Variants in HMGCLL1 observed in about 807,000 individuals in gnomAD.
The protein encoded by HMGCLL1 is 3-hydroxymethyl-3-methylglutaryl-CoA lyase, cytoplasmic.
HMGCLL1 carries 36 observed loss-of-function variants against 39.1 expected under a neutral mutation model. The ratio of observed to expected loss-of-function variants is 0.92; its 90% CI spans 0.71 to 1.22. The LOEUF (loss-of-function observed/expected upper bound fraction) is 1.22. Among genes scored for constraint, HMGCLL1 ranks in the 50% most tolerant of loss-of-function variants. The probability of loss-of-function intolerance (pLI) is 0.00; values close to 1 mark genes in which losing one functional copy is unlikely to be tolerated. For missense variants in HMGCLL1, 451 were observed against 416.5 expected, an observed-to-expected ratio of 1.08 and a Z score of -0.72; for synonymous variants, 149 against 144.0, an observed-to-expected ratio of 1.03 and a Z score of -0.25.
At chr6:55,610,274 C>A in the HMGCLL1 span, among the ~76,000 whole-genome samples, 1 of 151,910 alleles carries the variant, frequency 6.6e-6, no homozygotes. Flanking sequence ...TGCAAAGGAT[C>A]TAAGTACCAC....
intron 7 of HMGCLL1, among the ~76,000 whole-genome samples, chr6:55,475,270 G>T (rs1219725240): frequency 6.6e-6 from 1 of 151,506 alleles, no homozygotes; most frequent in Non-Finnish European, 1.5e-5. Context: ...CCTTGCCAGG[G>T]TCACAGAAAA....
At chr6:55,641,910 A>G in the HMGCLL1 span, among the ~76,000 whole-genome samples, 79 of 122,488 alleles carry the variant, frequency 6.4e-4, no homozygotes, top group African/African-American at 2.2e-3. Flanking sequence ...TTATTTATTT[A>G]TTTATTTTTT....
At chr6:55,458,170 A>C (rs936025587) in intron 7 of HMGCLL1, among the ~76,000 whole-genome samples, 4 of 152,164 alleles carry the variant, frequency 2.6e-5, no homozygotes, top group Non-Finnish European at 4.4e-5. Flanking sequence ...GCTTTTAGGA[A>C]ATTTAAAATG....
the HMGCLL1 span, among the ~76,000 whole-genome samples, chr6:55,593,853 G>T: frequency 6.6e-6 from 1 of 151,980 alleles, no homozygotes; most frequent in African/African-American, 2.4e-5. Flanking sequence ...TCCCGATTTT[G>T]GAAGTGAAAA....
At chr6:55,499,890 T>C (rs1191595230) in intron 5 of HMGCLL1, among the ~76,000 whole-genome samples, 5 of 151,990 alleles carry the variant, frequency 3.3e-5, no homozygotes, top group African/African-American at 9.7e-5. Flanking sequence ...ATTAAGATAT[T>C]CTATAAGCTT....
chr6:55,658,897 G>A, the HMGCLL1 span, among the ~76,000 whole-genome samples: 12 of 151,924 alleles, frequency 7.9e-5, 1 homozygote, highest in East Asian at 1.4e-3. Flanking sequence ...AAAGCACAGC[G>A]ACCCAGACTG....
At position 55,435,305 on chromosome 6, in the gene HMGCLL1, A is replaced by T. The variant is rs115409675; in HGVS notation, c.*357T>A. The T allele has an allele frequency of 0.012, 1,949 of 166,582 alleles. 44 individuals carry two copies. Among genetic ancestry groups the T allele is most frequent in the African/African-American group, 0.043 (1,807 of 41,756 alleles). 10.3% of individuals were successfully genotyped at this position (166,582 alleles called of 1,614,324 possible). On this transcript the variant is annotated 3_prime_UTR_variant, in exon 9 of 9. Coordinates refer to ENST00000274901, the MANE Select transcript of HMGCLL1 (RefSeq NM_001042406.2). ...CATAAACTACTGACAATATGTACAC[A>T]GTGTTAAGCCTGCTTGATTAAGTAT...
At chr6:55,484,170 T>C (rs6907039) in intron 7 of HMGCLL1, among the ~76,000 whole-genome samples, 9,490 of 152,180 alleles carry the variant, frequency 0.062, 342 homozygotes, top group East Asian at 0.17. Context: ...GCAGAAGCCA[T>C]AAAGGGATGA....
chr6:55,508,222 A>G (rs1357593783), intron 5 of HMGCLL1, among the ~76,000 whole-genome samples: 1 of 151,702 alleles, frequency 6.6e-6, no homozygotes, highest in Non-Finnish European at 1.5e-5. Context: ...CTCCACTACT[A>G]CTGTTTTAAT....
the HMGCLL1 span, among the ~76,000 whole-genome samples, chr6:55,671,304 G>A: frequency 2.6e-5 from 4 of 151,818 alleles, no homozygotes; most frequent in South Asian, 8.3e-4. Context: ...AGCATGAAAA[G>A]GACTTTATAT....
chr6:55,544,661 A>T (rs1769853422), intron 1 of HMGCLL1, among the ~76,000 whole-genome samples: 2 of 152,268 alleles, frequency 1.3e-5, no homozygotes, highest in South Asian at 4.1e-4. Flanking sequence ...TTCAAAGGCC[A>T]TTTTTAGGGT....
At position 55,542,042 on chromosome 6, in the gene HMGCLL1, TA is replaced by T; in HGVS notation, c.189+17del. The T allele has an allele frequency of 6.9e-7, 1 of 1,452,398 alleles. No individual in the cohort carries two copies. The highest frequency in any genetic ancestry group is 1.7e-4 in the Middle Eastern group (1 of 5,756). 90.0% of individuals were successfully genotyped at this position (1,452,398 alleles called of 1,614,324 possible). A position where few individuals can be genotyped will look rare whatever the true frequency, so the allele number is the denominator to read the frequency against. On this transcript the variant is annotated intron_variant, in intron 2 of 8. Transcript: ENST00000274901. ...ATTAATTTGTAGACAGCATTTGAAG[TA>T]AATGATGTAAAACTACCTTTTCATT...
At chr6:55,574,516 A>AG (rs1480159992) in intron 1 of HMGCLL1, among the ~76,000 whole-genome samples, 1 of 122,028 alleles carries the variant, frequency 8.2e-6, no homozygotes, top group Non-Finnish European at 1.8e-5. Context: ...TTAAGGGTAT[A>AG]GTAAAAAAAA....
At chr6:55,643,040 A>C in the HMGCLL1 span, among the ~76,000 whole-genome samples, 2 of 152,094 alleles carry the variant, frequency 1.3e-5, no homozygotes, top group Non-Finnish European at 2.9e-5. Context: ...CCAACCTATC[A>C]TTGATGGGCA....
intron 7 of HMGCLL1, among the ~76,000 whole-genome samples, chr6:55,486,435 G>A (rs1173633998): frequency 6.6e-6 from 1 of 151,806 alleles, no homozygotes; most frequent in Non-Finnish European, 1.5e-5. Flanking sequence ...ACAATATTTC[G>A]GGGGGCAACT....
At chr6:55,442,205 G>A (rs1230861632) in intron 7 of HMGCLL1, among the ~76,000 whole-genome samples, 11 of 151,996 alleles carry the variant, frequency 7.2e-5, no homozygotes, top group Admixed American at 2.6e-4. Context: ...TGTATTGTAC[G>A]TTTTGGAAAA....
the HMGCLL1 span, among the ~76,000 whole-genome samples, chr6:55,672,708 A>G: frequency 6.6e-6 from 1 of 151,936 alleles, no homozygotes; most frequent in African/African-American, 2.4e-5. Flanking sequence ...CACTAAAACT[A>G]CTATTATATG....
chr6:55,644,910 C>T, the HMGCLL1 span, among the ~76,000 whole-genome samples: 2 of 151,784 alleles, frequency 1.3e-5, no homozygotes, highest in Admixed American at 1.3e-4. Flanking sequence ...TATGTTTTAA[C>T]ATTGGTTTTC....
the HMGCLL1 span, among the ~76,000 whole-genome samples, chr6:55,587,400 A>G: frequency 2.6e-5 from 4 of 152,068 alleles, no homozygotes; most frequent in Non-Finnish European, 1.5e-5. Context: ...CCTGCCTTAC[A>G]ACAGCTCCTG....
Sources: gnomAD v4.1 joint callset for allele counts (sites outside exome capture counted in the v4.1 genomes callset) on GRCh38, gnomAD v4.1.1 for gene constraint, MANE v1.5 for transcripts, NCBI Gene and HGNC (gene_info 2026-07-23, HGNC 2026-07-21) for gene names.